The following AGPAT3 variants were observed in gnomAD, a reference collection of about 807,000 sequenced individuals.
AGPAT3 encodes 1-acyl-sn-glycerol-3-phosphate acyltransferase gamma.
AGPAT3 carries 5 observed loss-of-function variants against 47.3 expected under a neutral mutation model. The ratio of observed to expected loss-of-function variants is 0.11; its 90% confidence interval spans 0.06 to 0.22. AGPAT3 has a LOEUF of 0.22. AGPAT3 is among the 10% of genes least tolerant of loss of function. The pLI is 1.00. For missense variants in AGPAT3, 315 were observed against 493.0 expected (o/e 0.64, Z 3.42); for synonymous variants, 212 against 208.3 (o/e 1.02, Z -0.15).
intron 1 of AGPAT3, among the ~76,000 whole-genome samples, chr21:43,878,527 C>A (rs969158035): frequency 1.3e-5 from 2 of 152,240 alleles, no homozygotes; most frequent in Non-Finnish European, 2.9e-5. Flanking sequence ...ATATGATGGG[C>A]ATCCTTGTAC....
intron 1 of AGPAT3, among the ~76,000 whole-genome samples, chr21:43,891,402 G>A (rs1443450276): frequency 1.3e-5 from 2 of 152,200 alleles, no homozygotes; most frequent in Admixed American, 6.5e-5. Context: ...GGGAGGCTGA[G>A]GTGGGCAGAT....
intron 2 of AGPAT3, among the ~76,000 whole-genome samples, chr21:43,923,623 C>T (rs1265824108): frequency 5.9e-5 from 9 of 152,212 alleles, no homozygotes; most frequent in African/African-American, 1.9e-4. Context: ...ATGATGCCCT[C>T]GAGTTTGAAC....
chr21:43,944,301 C>T (rs541956939), intron 2 of AGPAT3, among the ~76,000 whole-genome samples: 1 of 152,394 alleles, frequency 6.6e-6, no homozygotes, highest in East Asian at 1.9e-4. Flanking sequence ...CGGGCTGGCC[C>T]TGCATTGCGG....
chr21:43,907,626 A>G (rs547626729), intron 2 of AGPAT3, among the ~76,000 whole-genome samples: 1 of 152,284 alleles, frequency 6.6e-6, no homozygotes, highest in East Asian at 1.9e-4. Flanking sequence ...CTGAGGCAGG[A>G]GAATGGCGTG....
At chr21:43,877,386 G>A (rs926452619) in intron 1 of AGPAT3, among the ~76,000 whole-genome samples, 1 of 152,194 alleles carries the variant, frequency 6.6e-6, no homozygotes, top group African/African-American at 2.4e-5. Flanking sequence ...GGGCATGTGA[G>A]GTTTCAAAAG....
At chr21:43,865,941 G>A (rs1205537436) in intron 1 of AGPAT3, among the ~76,000 whole-genome samples, 1 of 152,074 alleles carries the variant, frequency 6.6e-6, no homozygotes, top group Non-Finnish European at 1.5e-5. Context: ...CTGTGGGTTC[G>A]GCCCGGAGAC....
intron 1 of AGPAT3, among the ~76,000 whole-genome samples, chr21:43,872,120 T>A (rs993999990): frequency 6.6e-6 from 1 of 152,170 alleles, no homozygotes; most frequent in African/African-American, 2.4e-5. Context: ...CACCTGACAC[T>A]CTGTGCTTAC....
At chr21:43,911,545 CTT>C (rs2146096003) in intron 2 of AGPAT3, among the ~76,000 whole-genome samples, 1 of 152,338 alleles carries the variant, frequency 6.6e-6, no homozygotes, top group East Asian at 1.9e-4. Context: ...GGAAGGCAGA[CTT>C]TGCCTCCTGC....
intron 1 of AGPAT3, among the ~76,000 whole-genome samples, chr21:43,871,233 A>G (rs185878837): frequency 1.5e-3 from 226 of 152,324 alleles, no homozygotes; most frequent in African/African-American, 5.1e-3. Context: ...AATCCCAAGA[A>G]TTTATGTGCA....
chr21:43,966,426 T>G (rs1339917787), intron 3 of AGPAT3: 3 of 152,210 alleles, frequency 2.0e-5, no homozygotes, highest in Non-Finnish European at 4.4e-5. Context: ...CAGCGAGTCT[T>G]CTCCCCACAC....
At position 43,934,706 on chromosome 21, in the gene AGPAT3, C is replaced by A. The variant is rs1019397592; in HGVS notation, c.-48-24928C>A. Among the ~76,000 whole-genome samples the A allele has an allele frequency of 1.3e-5, 2 of 152,116 alleles. No individual in the cohort carries two copies. The highest frequency in any genetic ancestry group is 2.4e-5 in the African/African-American group (1 of 41,394). ...GCTGGGAGCACGAGGAGGCCACGTG[C>A]CCATGGTGGAGGAGCCACAGCACAA... On this transcript the variant is annotated intron_variant, in intron 2 of 9. Coordinates refer to ENST00000291572, the MANE Select transcript of AGPAT3 (RefSeq NM_020132.5). This position sits in a 1 kb window ranked among gnomAD's most constrained non-coding sequence, Gnocchi z 4.7.
At chr21:43,889,255 GT>G (rs1202113614) in intron 1 of AGPAT3, among the ~76,000 whole-genome samples, 1 of 148,042 alleles carries the variant, frequency 6.8e-6, no homozygotes, top group Non-Finnish European at 1.5e-5. Flanking sequence ...AACCTTCCTT[GT>G]TACACTGCTA....
At chr21:43,876,076 C>T (rs906830528) in intron 1 of AGPAT3, among the ~76,000 whole-genome samples, 28 of 152,266 alleles carry the variant, frequency 1.8e-4, no homozygotes, top group Non-Finnish European at 2.9e-4. Context: ...GCACCATGCC[C>T]AGCCTAACCT....
At chr21:43,928,073 TG>T (rs1738147222) in intron 2 of AGPAT3, among the ~76,000 whole-genome samples, 1 of 152,224 alleles carries the variant, frequency 6.6e-6, no homozygotes, top group Non-Finnish European at 1.5e-5. Context: ...CCTGGGAAGC[TG>T]AACCAGCCGG....
chr21:43,901,929 A>C (rs1355569650), intron 1 of AGPAT3, among the ~76,000 whole-genome samples: 1 of 152,246 alleles, frequency 6.6e-6, no homozygotes, highest in Non-Finnish European at 1.5e-5. Context: ...AAAAATGAAC[A>C]GAGCATCAGT....
At chr21:43,907,029 CTTTT>C (rs760824887) in intron 2 of AGPAT3, among the ~76,000 whole-genome samples, 3 of 128,802 alleles carry the variant, frequency 2.3e-5, no homozygotes, top group Non-Finnish European at 1.6e-5. Flanking sequence ...TCTTTTCTTT[CTTTT>C]TTTTTTTTTT....
At chr21:43,947,832 A>T (rs1219573526) in intron 2 of AGPAT3, among the ~76,000 whole-genome samples, 1 of 151,844 alleles carries the variant, frequency 6.6e-6, no homozygotes, top group African/African-American at 2.4e-5. Flanking sequence ...TTTAGTAGAG[A>T]CGGGGTTTCA....
chr21:43,949,890 G>A (rs1335565540), intron 2 of AGPAT3, among the ~76,000 whole-genome samples: 1 of 152,222 alleles, frequency 6.6e-6, no homozygotes, highest in Non-Finnish European at 1.5e-5. Context: ...AACACACAAG[G>A]GGATCATATA....
intron 2 of AGPAT3, among the ~76,000 whole-genome samples, chr21:43,943,498 G>A (rs764704331): frequency 1.3e-5 from 2 of 152,234 alleles, no homozygotes; most frequent in African/African-American, 2.4e-5. Flanking sequence ...GTGGTGAGCA[G>A]GCAGTCCTCA....
Sources: gnomAD v4.1 joint callset for allele counts (sites outside exome capture counted in the v4.1 genomes callset) on GRCh38, gnomAD v4.1.1 for gene constraint, Gnocchi (gnomAD v3.1) non-coding constraint, MANE v1.5 for transcripts, NCBI Gene and HGNC (gene_info 2026-07-23, HGNC 2026-07-21) for gene names.